PCDHGA5: variants seen among roughly 807,000 people sequenced by gnomAD.
PCDHGA5 encodes protocadherin gamma subfamily A, 5.
PCDHGA5 carries 36 observed loss-of-function variants against 56.7 expected under a neutral mutation model. The ratio of observed to expected loss-of-function variants is 0.64; its 90% CI spans 0.49 to 0.84. The LOEUF (loss-of-function observed/expected upper bound fraction) is 0.84, where lower values mean the gene tolerates loss of function less well. Ranked by LOEUF, PCDHGA5 falls within the 40% of genes least tolerant of loss-of-function variation. The probability of loss-of-function intolerance (pLI) is 0.00; values close to 1 mark genes in which losing one functional copy is unlikely to be tolerated. For missense variants in PCDHGA5, 1,305 were observed against 1,201.5 expected (o/e 1.09, Z -1.27); for synonymous variants, 563 against 520.2 (o/e 1.08, Z -1.12).
Position 141,364,455 on chromosome 5 carries a change from G to C in PCDHGA5, c.125G>C (p.Gly42Ala), listed in dbSNP as rs753233498. 1.9e-6 allele frequency: 3 copies of C among 1,614,000 alleles called. No individual in the cohort carries two copies. The highest frequency in any genetic ancestry group is 1.1e-5 in the South Asian group (1 of 91,082). Residue 42 changes from glycine to alanine, a missense_variant, in exon 1 of 4, where the codon GGC becomes GCC. Coordinates refer to ENST00000518069, the MANE Select transcript of PCDHGA5 (RefSeq NM_018918.3). ...TCGATGCCGGAGGAGCTGGACAAAG[G>C]CTCCTTCGTCGGCAACATAGCCAAG... ...RYSMPEELDK[G>A]SFVGNIAKDL...
chr5:141,393,169 T>C lies in PCDHGA5; in HGVS notation c.2421+26418T>C, dbSNP rs113280752. 2,582 of 1,613,090 alleles carry C rather than the reference T, an allele frequency of 1.6e-3. 1 individual carries two copies. The highest frequency in any genetic ancestry group is 1.9e-3 in the Non-Finnish European group (2,191 of 1,179,870). On this transcript the variant is annotated intron_variant, in intron 1 of 3. Coordinates refer to ENST00000518069, the MANE Select transcript of PCDHGA5 (RefSeq NM_018918.3). ...GAGGATAAAGGAAAACTCTTTGGGGTAGAAATAGAAATAATTGATATTAAC... is the reference window on the plus strand; with the variant it reads ...GAGGATAAAGGAAAACTCTTTGGGGCAGAAATAGAAATAATTGATATTAAC...
At position 141,374,995 on chromosome 5, in the gene PCDHGA5, T is replaced by C. The variant is rs551496415; in HGVS notation, c.2421+8244T>C. ...TTTTGACTGGAGAAATTTCAACTTC[T>C]GCAAATCTAGACTATGAGGACTCGA... On this transcript the variant is annotated intron_variant, in intron 1 of 3. Transcript: ENST00000518069. 4 of 1,613,956 alleles carry C rather than the reference T, an allele frequency of 2.5e-6. No individual in the cohort carries two copies. The Admixed American group carries it at 5.0e-5, about 20-fold the overall frequency.
Position 141,365,359 on chromosome 5 carries a change from T to C in PCDHGA5, c.1029T>C (p.Asn343=). 1 of 1,613,920 alleles carries C rather than the reference T, an allele frequency of 6.2e-7. No homozygotes were observed. Among genetic ancestry groups the C allele is most frequent in the South Asian group, 1.1e-5 (1 of 91,076 alleles). ...TCACAGTACAGGACGTGAATGACAATGCCCCCGAAGTGATCCTCACCTCTC... is the reference window on the plus strand; with the variant it reads ...TCACAGTACAGGACGTGAATGACAACGCCCCCGAAGTGATCCTCACCTCTC... ...VVVTVQDVND[N]APEVILTSLT... The change falls in exon 1 of 4, where the codon AAT becomes AAC. Residue 343 remains asparagine (N), a synonymous_variant. Transcript: ENST00000518069.
At chr5:141,488,438 C>T (rs2099675393) in intron 1 of PCDHGA5, among the ~76,000 whole-genome samples, 1 of 152,146 alleles carries the variant, frequency 6.6e-6, no homozygotes, top group African/African-American at 2.4e-5. Flanking sequence ...CTCTGACCAC[C>T]CTCCTGGGTG....
At chr5:141,374,731 T>G in intron 1 of PCDHGA5, 1 of 1,610,684 alleles carries the variant, frequency 6.2e-7, no homozygotes, top group Non-Finnish European at 8.5e-7. Flanking sequence ...CTGCCATGGA[T>G]GGCGGCGACC....
rs189987196 is a variant in PCDHGA5, at chr5:141,420,754, C to T, written c.2421+54003C>T. Among the ~76,000 whole-genome samples, 291 of 152,292 alleles carry T rather than the reference C, an allele frequency of 1.9e-3. 2 individuals carry two copies. The highest frequency in any genetic ancestry group is 3.6e-3 in the Non-Finnish European group (248 of 68,020). On this transcript the variant is annotated intron_variant, in intron 1 of 3. Coordinates refer to ENST00000518069, the MANE Select transcript of PCDHGA5 (RefSeq NM_018918.3). ...TAAAATCAATTGGAACCAACTACAA[C>T]CTACAAGTTTTCAGCTCCAGTAATA... is the stretch of plus-strand genomic sequence containing the variant.
chr5:141,431,462 G>A lies in PCDHGA5; in HGVS notation c.2422-63345G>A. ...GCGCATCCGCGTGATGGTTCTGGAT[G>A]CGAACGACAACGCACCAGCGTTTGC... On this transcript the variant is annotated intron_variant, in intron 1 of 3. Transcript: ENST00000518069. This position sits in a 1 kb window ranked among gnomAD's most constrained non-coding sequence, Gnocchi z 4.8. 6.2e-7 allele frequency: 1 copy of A among 1,613,826 alleles called. No individual in the cohort carries two copies. The highest frequency in any genetic ancestry group is 2.2e-5 in the East Asian group (1 of 44,886).
chr5:141,511,598 A>C lies in PCDHGA5; in HGVS notation c.*425A>C. ...GGTTGGGGTGTTGAAGTACCAAGTA[A>C]CCTACAAGCCTCCTAGTTCTGAAAA... On this transcript the variant is annotated 3_prime_UTR_variant, in exon 4 of 4. Transcript: ENST00000518069. 3.9e-6 allele frequency: 1 copy of C among 255,742 alleles called. No individual in the cohort carries two copies. The highest frequency in any genetic ancestry group is 7.8e-6 in the Non-Finnish European group (1 of 127,952). The allele number at this position is 255,742 out of a possible 1,614,324, so 15.8% of individuals were successfully genotyped here.
intron 1 of PCDHGA5, chr5:141,389,279 T>C: frequency 6.2e-7 from 1 of 1,614,016 alleles, no homozygotes; most frequent in Non-Finnish European, 8.5e-7. Context: ...ACAACCCGCC[T>C]GGAGCCTCTA....
intron 3 of PCDHGA5, among the ~76,000 whole-genome samples, chr5:141,510,266 C>T (rs1202092142): frequency 7.0e-6 from 1 of 143,198 alleles, no homozygotes; most frequent in Non-Finnish European, 1.5e-5. Flanking sequence ...GAGCAGGACT[C>T]CATCTTAAAA....
At chr5:141,403,758 T>G in intron 1 of PCDHGA5, 1 of 1,613,922 alleles carries the variant, frequency 6.2e-7, no homozygotes, top group Non-Finnish European at 8.5e-7. Context: ...GCCAGCGACC[T>G]GGATGAGGGA....
At chr5:141,459,775 T>C (rs377188083) in intron 1 of PCDHGA5, among the ~76,000 whole-genome samples, 8 of 152,362 alleles carry the variant, frequency 5.3e-5, no homozygotes, top group African/African-American at 1.4e-4. Flanking sequence ...TACTATCTCA[T>C]TGAAGTTTCA....
At chr5:141,433,358 CCTATCTATCTATCTATCTAT>C (rs3074541) in intron 1 of PCDHGA5, 19 of 503,934 alleles carry the variant, frequency 3.8e-5, no homozygotes, top group South Asian at 2.3e-4. Flanking sequence ...CTACTGTCTG[CCTATCTATCTATCTATCTAT>C]CTATCTATCT....
chr5:141,375,971 C>G (rs1412854322), intron 1 of PCDHGA5: 1 of 1,613,374 alleles, frequency 6.2e-7, no homozygotes, highest in Non-Finnish European at 8.5e-7. Context: ...GCGCACGGCG[C>G]GCGCCCTGCT....
chr5:141,424,697 T>C (rs1467404367), intron 1 of PCDHGA5: 4 of 152,342 alleles, frequency 2.6e-5, no homozygotes, highest in South Asian at 4.1e-4. Context: ...GGCTATTTTT[T>C]TGTTCATTTT....
chr5:141,408,176 G>C, intron 1 of PCDHGA5: 1 of 1,533,992 alleles, frequency 6.5e-7, no homozygotes, highest in South Asian at 1.2e-5. Flanking sequence ...TGGAAAAGCG[G>C]GGACCCAGCG....
intron 1 of PCDHGA5, chr5:141,441,894 G>T: frequency 2.9e-6 from 1 of 347,862 alleles, no homozygotes; most frequent in Non-Finnish European, 5.6e-6. Context: ...CCAAGGTGGT[G>T]GCTGTAGACG....
At position 141,487,080 on chromosome 5, in the gene PCDHGA5, C is replaced by G. The variant is rs2154580766; in HGVS notation, c.2422-7727C>G. 1 of 1,614,126 alleles carries G rather than the reference C, an allele frequency of 6.2e-7. No individual in the cohort carries two copies. Among genetic ancestry groups the G allele is most frequent in the East Asian group, 2.2e-5 (1 of 44,872 alleles). On this transcript the variant is annotated intron_variant, in intron 1 of 3. Coordinates refer to ENST00000518069, the MANE Select transcript of PCDHGA5 (RefSeq NM_018918.3). This position sits in a 1 kb window ranked among gnomAD's most constrained non-coding sequence, Gnocchi z 5.0. ...GTGCGGACGGCTGTTCCTATCCCAG[C>G]TGACCTCCCACCACAGAAGCTGGTC...
chr5:141,366,529 G>A lies in PCDHGA5; in HGVS notation c.2199G>A (p.Ala733=), dbSNP rs748780311. The A allele has an allele frequency of 6.2e-6, 10 of 1,614,120 alleles. No homozygotes were observed. Among genetic ancestry groups the A allele is most frequent in the Non-Finnish European group, 4.2e-6 (5 of 1,180,046 alleles). The part of the protein sequence containing the change: ...RLLQAEGSRL[A]GVPASHFVGV... ...TTCAGGCTGAAGGCAGCAGGTTGGC[G>A]GGTGTGCCCGCCTCGCACTTTGTGG... Residue 733 remains alanine, a synonymous_variant, in exon 1 of 4, where the codon GCG becomes GCA. Transcript: ENST00000518069.
Sources: gnomAD v4.1 joint callset for allele counts (sites outside exome capture counted in the v4.1 genomes callset) on GRCh38, gnomAD v4.1.1 for gene constraint, Gnocchi (gnomAD v3.1) non-coding constraint, MANE v1.5 for transcripts, NCBI Gene and HGNC (gene_info 2026-07-23, HGNC 2026-07-21) for gene names.